DNAH3: variants seen among roughly 807,000 people sequenced by gnomAD.
DNAH3 encodes dynein axonemal heavy chain 3.
Under a neutral mutation model 432.5 loss-of-function variants are expected in DNAH3, and 332 were observed. The observed-to-expected ratio is 0.77, with a 90% CI of 0.70 to 0.84. The LOEUF (loss-of-function observed/expected upper bound fraction) is 0.84, where lower values mean the gene tolerates loss of function less well. DNAH3 is among the 40% of genes least tolerant of loss of function. The pLI, the probability that DNAH3 is intolerant of heterozygous loss-of-function variation, is 0.00. For synonymous variants in DNAH3, 1,956 were observed against 1,900.2 expected (o/e 1.03, Z -0.76); for missense variants, 4,861 against 5,114.0 (o/e 0.95, Z 1.51).
intron 60 of DNAH3, among the ~76,000 whole-genome samples, chr16:20,936,161 T>G (rs1192489987): frequency 7.2e-6 from 1 of 138,074 alleles, no homozygotes. Flanking sequence ...TGTGACATTT[T>G]TTTTCTTTTT....
chr16:21,019,797 C>A, exon 41 of DNAH3: 1 of 1,614,114 alleles, frequency 6.2e-7, no homozygotes, highest in Non-Finnish European at 8.5e-7. Context: ...TCCTTGGAGC[C>A]AGAGAAAGAT....
At chr16:21,053,162 G>C (rs1348487157) in intron 28 of DNAH3, among the ~76,000 whole-genome samples, 1 of 152,106 alleles carries the variant, frequency 6.6e-6, no homozygotes. Flanking sequence ...CTTCCATTGA[G>C]CCTTTCCTTC....
chr16:21,130,091 G>GAAAAAAAAAAAAAAAAAAAAAAAAA (rs58706051), intron 7 of DNAH3: 1 of 79,154 alleles, frequency 1.3e-5, no homozygotes. Flanking sequence ...CTAAATAAAT[G>GAAAAAAAAAAAAAAAAAAAAAAAAA]AAAAAAAAAA....
At chr16:21,023,597 T>C (rs993407348) in intron 39 of DNAH3, among the ~76,000 whole-genome samples, 11 of 152,150 alleles carry the variant, frequency 7.2e-5, no homozygotes, top group East Asian at 3.9e-4. Context: ...TGGGCTTGTC[T>C]TGGAAACAAG....
At chr16:20,941,570 A>G in intron 58 of DNAH3, 27 bp from the exon 59 acceptor site, 1 of 1,612,798 alleles carries the variant, frequency 6.2e-7, no homozygotes, top group Non-Finnish European at 8.5e-7. Flanking sequence ...AAGAGAGGTG[A>G]GTGAGAAGCA....
intron 56 of DNAH3, among the ~76,000 whole-genome samples, chr16:20,951,802 G>A (rs557317221): frequency 2.3e-3 from 329 of 142,688 alleles, no homozygotes; most frequent in African/African-American, 8.5e-3. Flanking sequence ...ATGCAGTGGC[G>A]CAATTTCAGT....
At chr16:21,117,453 T>C (rs2092231823) in intron 11 of DNAH3, 114 bp from the exon 12 acceptor site, 1 of 682,184 alleles carries the variant, frequency 1.5e-6, no homozygotes, top group South Asian at 1.7e-5. Context: ...GCATTTTTAC[T>C]CTATTTCCTC....
Position 21,112,103 on chromosome 16 carries a change from C to T in DNAH3, c.1815-5G>A, listed in dbSNP as rs748831196. 3.1e-5 allele frequency: 50 copies of T among 1,588,834 alleles called. 1 individual carries two copies. The highest frequency in any genetic ancestry group is 3.9e-5 in the Non-Finnish European group (45 of 1,159,446). ...TTTTTGTAGACATTTAAATATCTTC[C>T]ATATTGAAGGGTGTGAAATCAAACA... On this transcript the variant is annotated splice_region_variant and splice_polypyrimidine_tract_variant and intron_variant, in intron 12 of 61. Coordinates refer to ENST00000261383, the Ensembl canonical transcript of DNAH3.
At chr16:21,004,965 G>GT (rs1429053932) in intron 41 of DNAH3, among the ~76,000 whole-genome samples, 1 of 151,898 alleles carries the variant, frequency 6.6e-6, no homozygotes, top group African/African-American at 2.4e-5. Flanking sequence ...ATTCATTTAT[G>GT]TTTTTTTCTG....
rs199659541 is a variant in DNAH3 at position 21,023,783 on chromosome 16, T to TGG, written c.5646+811_5646+812dup. On this transcript the variant is annotated intron_variant, in intron 39 of 61. Coordinates refer to ENST00000261383, the Ensembl canonical transcript of DNAH3. ...ACATATATGGGGACTTGGCAGCTTT[T>TGG]GGGGTGTGTGTGTGTGTGTGTGTGT... 6.6e-3 allele frequency among the ~76,000 whole-genome samples: 758 copies of TGG among 114,160 alleles called. 10 individuals carry two copies. Among genetic ancestry groups the TGG allele is most frequent in the African/African-American group, 0.029 (706 of 24,338 alleles). The allele number at this position is 114,160 out of a possible 152,430, so 74.9% of individuals were successfully genotyped here.
Position 21,031,145 on chromosome 16 carries a change from G to A in DNAH3, c.5339C>T (p.Ala1780Val), listed in dbSNP as rs79095383. Residue 1780 changes from alanine to valine, a missense_variant, in exon 37 of 62, where the codon GCG becomes GTG. Transcript: ENST00000261383. ...CTTGCGATCATCAGAGAGTGAAGAC[G>A]CTTGCTCCCGGAAAGCATTGGCAAG... 2,299 of 1,614,102 alleles carry A rather than the reference G, an allele frequency of 1.4e-3. 36 individuals carry two copies. The African/African-American group carries it at 0.026, about 18-fold the overall frequency.
intron 10 of DNAH3, among the ~76,000 whole-genome samples, chr16:21,121,566 C>T (rs2092340474): frequency 6.6e-6 from 1 of 151,182 alleles, no homozygotes; most frequent in South Asian, 2.1e-4. Context: ...GGACACTATA[C>T]TCTCTCACAA....
intron 59 of DNAH3, among the ~76,000 whole-genome samples, chr16:20,939,333 C>T (rs769352663): frequency 1.5e-4 from 23 of 152,136 alleles, no homozygotes; most frequent in Non-Finnish European, 2.2e-4. Flanking sequence ...AACCCTAGGC[C>T]GGGCACAGTG....
intron 19 of DNAH3, among the ~76,000 whole-genome samples, chr16:21,084,985 C>T (rs2091315427): frequency 6.8e-6 from 1 of 147,214 alleles, no homozygotes; most frequent in Non-Finnish European, 1.5e-5. Context: ...CGATGCAGGT[C>T]AAAGTCCTAG....
intron 1 of DNAH3, among the ~76,000 whole-genome samples, chr16:21,152,142 G>A (rs571714590): frequency 3.3e-5 from 5 of 152,094 alleles, no homozygotes; most frequent in Non-Finnish European, 5.9e-5. Flanking sequence ...GCTGAGGCAG[G>A]AGAATCGCTT....
At chr16:21,117,060 G>A (rs551407354) in intron 12 of DNAH3, 143 bp downstream of exon 12, 2 of 601,542 alleles carry the variant, frequency 3.3e-6, no homozygotes, top group East Asian at 2.9e-5. Flanking sequence ...GGAATAAATA[G>A]TAATACTCAT....
intron 44 of DNAH3, among the ~76,000 whole-genome samples, chr16:20,994,487 T>C (rs940644815): frequency 6.6e-6 from 1 of 152,158 alleles, no homozygotes; most frequent in Non-Finnish European, 1.5e-5. Flanking sequence ...TGTGATAAAA[T>C]ATATGTAACA....
intron 51 of DNAH3, among the ~76,000 whole-genome samples, chr16:20,974,394 G>A (rs1389528587): frequency 6.6e-6 from 1 of 151,584 alleles, no homozygotes; most frequent in Non-Finnish European, 1.5e-5. Context: ...TCAGCTACTC[G>A]GGAGGCTGAG....
At chr16:21,020,815 A>G (rs886326969) in intron 40 of DNAH3, among the ~76,000 whole-genome samples, 1 of 152,156 alleles carries the variant, frequency 6.6e-6, no homozygotes, top group Non-Finnish European at 1.5e-5. Flanking sequence ...CTGTGCGACC[A>G]TCACCACCAT....
Sources: gnomAD v4.1 joint callset for allele counts (sites outside exome capture counted in the v4.1 genomes callset) on GRCh38, gnomAD v4.1.1 for gene constraint, MANE v1.5 for transcripts, NCBI Gene and HGNC (gene_info 2026-07-23, HGNC 2026-07-21) for gene names.